AGPS: variants seen among roughly 807,000 people sequenced by gnomAD.
AGPS encodes alkyldihydroxyacetonephosphate synthase, peroxisomal.
Under a neutral mutation model 90.7 loss-of-function variants are expected in AGPS, and 26 were observed. The ratio of observed to expected loss-of-function variants is 0.29; its 90% CI spans 0.21 to 0.40. The LOEUF is 0.40. Among genes scored for constraint, AGPS ranks in the 10% least tolerant of loss-of-function variants. AGPS has a pLI of 1.00. For missense variants in AGPS, 540 were observed against 816.1 expected (o/e 0.66, Z 4.12); for synonymous variants, 294 against 285.3 (o/e 1.03, Z -0.31).
In AGPS at chr2:177,538,414, A is replaced by T. The variant is rs1471600658; in HGVS notation, c.*219A>T. Reference sequence around the variant, plus strand: ...TCTCATTGTAGGTACATCATTTTACATTCAGCGGTTGTCATTTCAAATTTT... The same window carrying T: ...TCTCATTGTAGGTACATCATTTTACTTTCAGCGGTTGTCATTTCAAATTTT... On this transcript the variant is annotated 3_prime_UTR_variant, in exon 20 of 20. Transcript: ENST00000264167. 1.8e-6 allele frequency: 1 copy of T among 567,132 alleles called. No homozygotes were observed. The highest frequency in any genetic ancestry group is 1.9e-5 in the African/African-American group (1 of 53,006). The allele number at this position is 567,132 out of a possible 1,614,324, so 35.1% of individuals were successfully genotyped here.
chr2:177,536,560 T>C (rs7606235), intron 19 of AGPS, among the ~76,000 whole-genome samples: 112,654 of 152,052 alleles, frequency 0.74, 41,990 homozygotes, highest in Admixed American at 0.79. Flanking sequence ...ATCATAGTCA[T>C]GGGCAGTCCC....
At chr2:177,529,497 C>T (rs1323682846) in intron 19 of AGPS, among the ~76,000 whole-genome samples, 1 of 151,896 alleles carries the variant, frequency 6.6e-6, no homozygotes, top group Non-Finnish European at 1.5e-5. Flanking sequence ...AGAAAAAAGG[C>T]AGTAGTCTTG....
intron 10 of AGPS, among the ~76,000 whole-genome samples, chr2:177,477,094 A>C (rs369184830): frequency 6.6e-6 from 1 of 151,818 alleles, no homozygotes; most frequent in African/African-American, 2.4e-5. Context: ...AAATCGTCTC[A>C]CTATCTTTGT....
intron 11 of AGPS, among the ~76,000 whole-genome samples, chr2:177,486,026 G>T (rs1688083002): frequency 6.6e-6 from 1 of 152,190 alleles, no homozygotes; most frequent in Non-Finnish European, 1.5e-5. Context: ...GTAAAGAAAG[G>T]TCCTTTCTAG....
intron 8 of AGPS, among the ~76,000 whole-genome samples, chr2:177,453,984 GC>G (rs61452763): frequency 2.6e-4 from 10 of 38,484 alleles, no homozygotes; most frequent in South Asian, 2.1e-3. Context: ...ACTGTGCCCA[GC>G]CCCCTCTGGC....
intron 1 of AGPS, among the ~76,000 whole-genome samples, chr2:177,406,816 A>G (rs1244409261): frequency 1.3e-5 from 2 of 152,192 alleles, no homozygotes; most frequent in Non-Finnish European, 2.9e-5. Context: ...AATGTGCTTT[A>G]TGCTTCAGCC....
chr2:177,521,133 A>G (rs1002076939), intron 17 of AGPS, 136 bp from the exon 18 acceptor site: 10 of 797,198 alleles, frequency 1.3e-5, no homozygotes, highest in East Asian at 7.9e-5. Context: ...TATTCCTTCC[A>G]TGGAGTAGAG....
At chr2:177,399,815 G>T (rs997173451) in intron 1 of AGPS, among the ~76,000 whole-genome samples, 14 of 152,160 alleles carry the variant, frequency 9.2e-5, no homozygotes, top group African/African-American at 3.4e-4. Context: ...ATATAGATTT[G>T]CCTGTTTGAA....
intron 11 of AGPS, 55 bp downstream of exon 11, chr2:177,482,241 A>C: frequency 9.9e-7 from 1 of 1,005,394 alleles, no homozygotes; most frequent in Non-Finnish European, 1.4e-6. Context: ...ATGTATTTAT[A>C]TTTTTCAAAT....
At chr2:177,435,798 G>A (rs926586312) in intron 3 of AGPS, among the ~76,000 whole-genome samples, 12 of 152,102 alleles carry the variant, frequency 7.9e-5, no homozygotes, top group East Asian at 1.9e-4. Flanking sequence ...TTGGCCAGCC[G>A]TTTATAGACT....
At chr2:177,503,757 A>G (rs752824728) in intron 14 of AGPS, among the ~76,000 whole-genome samples, 17 of 152,180 alleles carry the variant, frequency 1.1e-4, no homozygotes, top group Non-Finnish European at 2.4e-4. Context: ...AAGTTCAGTC[A>G]TAAGTCTATG....
chr2:177,523,557 A>G (rs1202955589), intron 18 of AGPS, among the ~76,000 whole-genome samples, 191 bp from the exon 19 acceptor site: 2 of 152,252 alleles, frequency 1.3e-5, no homozygotes, highest in Non-Finnish European at 2.9e-5. Context: ...TTCACTAGAA[A>G]AAAACTTATG....
chr2:177,506,565 TAATATG>T, intron 15 of AGPS, among the ~76,000 whole-genome samples: 2 of 152,076 alleles, frequency 1.3e-5, no homozygotes, highest in South Asian at 4.1e-4. Flanking sequence ...AAGGCTGAAT[TAATATG>T]TTCTCATTTT....
chr2:177,505,381 A>G, intron 14 of AGPS, 125 bp from the exon 15 acceptor site: 1 of 839,614 alleles, frequency 1.2e-6, no homozygotes. Context: ...AAGATGAAAC[A>G]GAAATATTAA....
In AGPS at chr2:177,542,272, TC is replaced by T. The variant is rs2079243884; in HGVS notation, c.*4080del. 1 of 152,158 alleles carries T rather than the reference TC, an allele frequency of 6.6e-6. No homozygotes were observed. Among genetic ancestry groups the T allele is most frequent in the East Asian group, 1.9e-4 (1 of 5,200 alleles). 9.4% of individuals were successfully genotyped at this position (152,158 alleles called of 1,614,324 possible). On this transcript the variant is annotated 3_prime_UTR_variant, in exon 20 of 20. Transcript: ENST00000264167. ...GATATTGTTAGCTAGGTTTTGTCAA[TC>T]CCTAATCATTTTTTAAAATCAATGC...
intron 17 of AGPS, among the ~76,000 whole-genome samples, chr2:177,519,103 T>G (rs1689105813): frequency 6.6e-6 from 1 of 152,150 alleles, no homozygotes; most frequent in Non-Finnish European, 1.5e-5. Context: ...CTCAAGTTCT[T>G]TGGTTTTTCT....
At chr2:177,432,823 C>T (rs922799945) in intron 2 of AGPS, among the ~76,000 whole-genome samples, 1 of 152,164 alleles carries the variant, frequency 6.6e-6, no homozygotes, top group Non-Finnish European at 1.5e-5. Context: ...GGACCTCAAG[C>T]TGCTTCCAGT....
intron 19 of AGPS, among the ~76,000 whole-genome samples, chr2:177,526,227 CTTTTT>C (rs749224337): frequency 1.6e-5 from 2 of 124,312 alleles, no homozygotes; most frequent in Non-Finnish European, 3.4e-5. Context: ...AGCTTCTTGT[CTTTTT>C]TTTTTTTTTT....
chr2:177,484,975 C>G (rs940273880), intron 11 of AGPS, among the ~76,000 whole-genome samples: 2 of 152,020 alleles, frequency 1.3e-5, no homozygotes, highest in African/African-American at 4.8e-5. Flanking sequence ...CCTGTGTTCC[C>G]CAGGCTGGTC....
Sources: allele counts gnomAD v4.1 joint callset (sites outside exome capture counted in the v4.1 genomes callset), GRCh38; gene constraint gnomAD v4.1.1; transcripts MANE v1.5; gene names NCBI Gene and HGNC (gene_info 2026-07-23, HGNC 2026-07-21).